The following CD74 variants were observed in gnomAD, a reference collection of about 807,000 sequenced individuals.
CD74 encodes the protein HLA class II histocompatibility antigen gamma chain.
A neutral mutation model predicts 37.1 loss-of-function variants in CD74; 20 were observed. The observed-to-expected ratio is 0.54, with a 90% CI of 0.38 to 0.78. The LOEUF is 0.78. CD74 is among the 30% of genes least tolerant of loss of function. The probability of loss-of-function intolerance (pLI) is 0.00; values close to 1 mark genes in which losing one functional copy is unlikely to be tolerated. For synonymous variants in CD74, 150 were observed against 152.0 expected (o/e 0.99, Z 0.10); for missense variants, 338 against 389.5 (o/e 0.87, Z 1.11).
At chr5:150,411,649 G>A (rs935679058) in intron 1 of CD74, among the ~76,000 whole-genome samples, 5 of 152,206 alleles carry the variant, frequency 3.3e-5, no homozygotes, top group Non-Finnish European at 5.9e-5. Context: ...GGTGTCCCCT[G>A]GATGGCTGTG....
rs2151177010 is a variant in CD74, at chr5:150,404,699, G to T, written c.606C>A (p.Pro202=). Residue 202 remains proline (P), a synonymous_variant, in exon 6 of 9, where the codon CCC becomes CCA. Transcript: ENST00000009530. Reference sequence around the variant, plus strand: ...CTGTACCTTTCGGTGGAGCGTCAGTGGGCTTTTGCTCCAAGGAGTGCCTGC... The same window carrying T: ...CTGTACCTTTCGGTGGAGCGTCAGTTGGCTTTTGCTCCAAGGAGTGCCTGC... ...EMSRHSLEQK[P]TDAPPKVLTK... is the part of the protein sequence containing the mutation. The T allele has an allele frequency of 6.3e-7, 1 of 1,582,028 alleles. No individual in the cohort carries two copies. Among genetic ancestry groups the T allele is most frequent in the Non-Finnish European group, 8.6e-7 (1 of 1,163,240 alleles).
chr5:150,404,999 C>T, intron 5 of CD74, 86 bp downstream of exon 5: 2 of 1,271,230 alleles, frequency 1.6e-6, no homozygotes, highest in Non-Finnish European at 2.3e-6. Context: ...GAATGGCTTC[C>T]CCAGCCCACC....
rs746074342 is a variant in CD74, at chr5:150,405,097, G to A, written c.525C>T (p.Thr175=). The A allele has an allele frequency of 1.4e-5, 23 of 1,612,310 alleles. No individual in the cohort carries two copies. Among genetic ancestry groups the A allele is most frequent in the Non-Finnish European group, 1.7e-6 (2 of 1,179,154 alleles). The change falls in exon 5 of 9, where the codon ACC becomes ACT. Residue 175 remains threonine, a synonymous_variant. Coordinates refer to ENST00000009530, the MANE Select transcript of CD74 (RefSeq NM_001025159.3). ...GAAACCTGCTGACCTTCCAGTCTAT[G>A]GTCTCCATGGTGTTCTTAAGGTGTC... ...NLRHLKNTME[T]IDWKVFESWM... is the part of the protein sequence containing the mutation.
chr5:150,403,762 G>A lies in CD74; in HGVS notation c.626-450C>T, dbSNP rs1769783137. ...TAATCCCAGCTACTCGGGAGGCCGA[G>A]GCAGGAGAATTGCTTGAACCCGGGA... On this transcript the variant is annotated intron_variant, in intron 6 of 8. Transcript: ENST00000009530. The surrounding 1 kb of genome is among the most constrained non-coding windows in gnomAD (Gnocchi z 4.5). Among the ~76,000 whole-genome samples, 1 of 152,222 alleles carries A rather than the reference G, an allele frequency of 6.6e-6. No homozygotes were observed. Among genetic ancestry groups the A allele is most frequent in the Non-Finnish European group, 1.5e-5 (1 of 68,042 alleles).
chr5:150,409,223 A>G, intron 1 of CD74, among the ~76,000 whole-genome samples: 1 of 140,756 alleles, frequency 7.1e-6, no homozygotes, highest in South Asian at 2.2e-4. Flanking sequence ...ACTGTCTCAG[A>G]AAAAAAAAAG....
In CD74 at chr5:150,403,453, G is replaced by A. The variant is rs113351606; in HGVS notation, c.626-141C>T. 2.4e-5 allele frequency: 18 copies of A among 744,104 alleles called. No homozygotes were observed. The highest frequency in any genetic ancestry group is 1.9e-4 in the African/African-American group (11 of 57,756). 46.1% of individuals were successfully genotyped at this position (744,104 alleles called of 1,614,324 possible). A position where few individuals can be genotyped will look rare whatever the true frequency, so the allele number is the denominator to read the frequency against. ...GCTTTACTCACTCCAGCCATCACAC[G>A]GATGGGAAAACTGAGGCCTAGACCA... On this transcript the variant is annotated intron_variant, in intron 6 of 8. Coordinates refer to ENST00000009530, the MANE Select transcript of CD74 (RefSeq NM_001025159.3). This position sits in a 1 kb window ranked among gnomAD's most constrained non-coding sequence, Gnocchi z 4.5.
intron 5 of CD74, 22 bp from the exon 6 acceptor site, chr5:150,404,789 GT>G (rs919787953): frequency 6.6e-7 from 1 of 1,508,740 alleles, no homozygotes; most frequent in African/African-American, 1.4e-5. Context: ...AGAGGTGGAG[GT>G]CAGGTTCGAT....
chr5:150,407,406 A>C lies in CD74; in HGVS notation c.126-82T>G. 1 of 1,162,372 alleles carries C rather than the reference A, an allele frequency of 8.6e-7. No homozygotes were observed. Among genetic ancestry groups the C allele is most frequent in the South Asian group, 1.4e-5 (1 of 69,190 alleles). The allele number at this position is 1,162,372 out of a possible 1,614,324, so 72.0% of individuals were successfully genotyped here. On this transcript the variant is annotated intron_variant, in intron 1 of 8. Transcript: ENST00000009530. This position sits in a 1 kb window ranked among gnomAD's most constrained non-coding sequence, Gnocchi z 4.4. ...GGGCTGGCTAGGAATGGGGAAATGTATACCCCCATCTCCATTAGACCCCTA... is the reference window on the plus strand; with the variant it reads ...GGGCTGGCTAGGAATGGGGAAATGTCTACCCCCATCTCCATTAGACCCCTA...
chr5:150,405,001 C>T, intron 5 of CD74, 84 bp downstream of exon 5: 1 of 1,290,488 alleles, frequency 7.7e-7, no homozygotes, highest in Non-Finnish European at 1.1e-6. Context: ...ATGGCTTCCC[C>T]AGCCCACCCT....
At chr5:150,404,883 G>A in intron 5 of CD74, 116 bp from the exon 6 acceptor site, 1 of 834,360 alleles carries the variant, frequency 1.2e-6, no homozygotes, top group Non-Finnish European at 2.0e-6. Context: ...CAACACCCGG[G>A]TCCAGCTGCA....
rs1388940151 is a variant in CD74 at position 150,403,884 on chromosome 5, C to T, written c.626-572G>A. On this transcript the variant is annotated intron_variant, in intron 6 of 8. Coordinates refer to ENST00000009530, the MANE Select transcript of CD74 (RefSeq NM_001025159.3). This position sits in a 1 kb window ranked among gnomAD's most constrained non-coding sequence, Gnocchi z 4.5. The stretch of plus-strand genomic sequence containing the variant: ...AAAAACAAACAATCAAACAAAAAAA[C>T]ACCATTACAGTTTGGAATTGCACTT... Among the ~76,000 whole-genome samples, 2 of 152,166 alleles carry T rather than the reference C, an allele frequency of 1.3e-5. No homozygotes were observed. Among genetic ancestry groups the T allele is most frequent in the African/African-American group, 4.8e-5 (2 of 41,438 alleles).
At position 150,402,270 on chromosome 5, in the gene CD74, G is replaced by T. The variant is rs1222668874; in HGVS notation, c.881-20C>A. ...TGGGGACTGGAGAGAGAAGCAGCAG[G>T]TTGAGGTTGGGGTCACCCATTTGTT... On this transcript the variant is annotated intron_variant, in intron 8 of 8. Coordinates refer to ENST00000009530, the MANE Select transcript of CD74 (RefSeq NM_001025159.3). The surrounding 1 kb of genome is among the most constrained non-coding windows in gnomAD (Gnocchi z 4.2). 1.3e-6 allele frequency: 2 copies of T among 1,569,210 alleles called. No homozygotes were observed. The highest frequency in any genetic ancestry group is 1.7e-6 in the Non-Finnish European group (2 of 1,146,772).
Position 150,407,177 on chromosome 5 carries a change from C to T in CD74, c.273G>A (p.Glu91=), listed in dbSNP as rs1770020416. 1.9e-6 allele frequency: 3 copies of T among 1,613,868 alleles called. No homozygotes were observed. Among genetic ancestry groups the T allele is most frequent in the Non-Finnish European group, 1.7e-6 (2 of 1,179,948 alleles). ...LTVTSQNLQL[E]NLRMKLPKPP... ...GCTTGGGAAGCTTCATGCGCAGGTT[C>T]TCCAGCTGCAGGTTCTGGGAGGTGA... Residue 91 remains glutamate (E), a synonymous_variant, in exon 2 of 9, where the codon GAG becomes GAA. Coordinates refer to ENST00000009530, the MANE Select transcript of CD74 (RefSeq NM_001025159.3). The surrounding 1 kb of genome is among the most constrained non-coding windows in gnomAD (Gnocchi z 4.4).
rs1254963599 is a variant in CD74 at position 150,406,889 on chromosome 5, G to A, written c.370C>T (p.Pro124Ser). 2.0e-6 allele frequency: 3 copies of A among 1,507,080 alleles called. No individual in the cohort carries two copies. The highest frequency in any genetic ancestry group is 2.3e-5 in the East Asian group (1 of 43,216). The allele number at this position is 1,507,080 out of a possible 1,614,324, so 93.4% of individuals were successfully genotyped here. A position where few individuals can be genotyped will look rare whatever the true frequency, so the allele number is the denominator to read the frequency against. The change falls in exon 3 of 9, where the codon CCC becomes TCC. Residue 124 changes from proline (P) to serine (S), a missense_variant. By Grantham distance (74) the Pro-to-Ser change is moderately conservative. Coordinates refer to ENST00000009530, the MANE Select transcript of CD74 (RefSeq NM_001025159.3). Reference sequence around the variant, plus strand: ...CCTGGGGCTGTCCTTACCCCCTGGGGCAGGGCTCCCATGGGCAGCGCCTGC... The same window carrying A: ...CCTGGGGCTGTCCTTACCCCCTGGGACAGGGCTCCCATGGGCAGCGCCTGC... ...LMQALPMGAL[P>S]QGPMQNATKY...
intron 4 of CD74, 130 bp from the exon 5 acceptor site, chr5:150,405,310 T>G: frequency 2.2e-6 from 3 of 1,387,666 alleles, no homozygotes. Context: ...GCCTAAACCC[T>G]GGACTTCAGC....
rs368019468 is a variant in CD74 at position 150,406,937 on chromosome 5, G to C, written c.322C>G (p.Arg108Gly). The C allele has an allele frequency of 9.6e-6, 15 of 1,557,238 alleles. No homozygotes were observed. Among genetic ancestry groups the C allele is most frequent in the Admixed American group, 8.8e-5 (4 of 45,220 alleles). The change falls in exon 3 of 9, where the codon CGC becomes GGC. Residue 108 changes from arginine (R) to glycine (G), a missense_variant. Transcript: ENST00000009530. The part of the protein sequence containing the change: ...PKPPKPVSKM[R>G]MATPLLMQAL... ...TGCATCAGCAGCGGGGTGGCCATGCGCATCTTGCTCACAGGCTTGGGAGCT... is the reference window on the plus strand; with the variant it reads ...TGCATCAGCAGCGGGGTGGCCATGCCCATCTTGCTCACAGGCTTGGGAGCT...
In CD74 at chr5:150,402,210, G is replaced by A. The variant is rs1581247224; in HGVS notation, c.*30C>T. 1.3e-6 allele frequency: 2 copies of A among 1,597,634 alleles called. No homozygotes were observed. Among genetic ancestry groups the A allele is most frequent in the East Asian group, 4.5e-5 (2 of 44,312 alleles). On this transcript the variant is annotated 3_prime_UTR_variant, in exon 9 of 9. Transcript: ENST00000009530. This position sits in a 1 kb window ranked among gnomAD's most constrained non-coding sequence, Gnocchi z 4.2. ...AGAAAGCTGTAGCTGTGTGGGGCTG[G>A]CAGGATGTTGAAGACCGCCTCTGCT...
chr5:150,403,148 T>C lies in CD74; in HGVS notation c.790A>G (p.Arg264Gly), dbSNP rs750473014. 6 of 1,613,884 alleles carry C rather than the reference T, an allele frequency of 3.7e-6. No individual in the cohort carries two copies. The highest frequency in any genetic ancestry group is 5.1e-6 in the Non-Finnish European group (6 of 1,179,884). Reference protein sequence around the residue: ...FPNGTEVPNTRSRGHHNCSES... With the variant: ...FPNGTEVPNTGSRGHHNCSES... Reference sequence around the variant, plus strand: ...CTGCAGTTATGGTGCCCGCGGCTTCTGGTGTTGGGGACCTCCGTGCCGTTG... The same window carrying C: ...CTGCAGTTATGGTGCCCGCGGCTTCCGGTGTTGGGGACCTCCGTGCCGTTG... Residue 264 changes from arginine to glycine, a missense_variant, in exon 7 of 9, where the codon AGA becomes GGA. Coordinates refer to ENST00000009530, the MANE Select transcript of CD74 (RefSeq NM_001025159.3). The surrounding 1 kb of genome is among the most constrained non-coding windows in gnomAD (Gnocchi z 4.5).
At position 150,410,587 on chromosome 5, in the gene CD74, C is replaced by T. The variant is rs149656752; in HGVS notation, c.125+2038G>A. On this transcript the variant is annotated intron_variant, in intron 1 of 8. Transcript: ENST00000009530. ...GCATCTGCTTTTCTTCCTCTTTATG[C>T]ATCTTGAACGCCTGTCCCCTGGTTC... Among the ~76,000 whole-genome samples, 12 of 151,880 alleles carry T rather than the reference C, an allele frequency of 7.9e-5. No homozygotes were observed. The East Asian group carries it at 2.3e-3, about 29-fold the overall frequency.
Sources: allele counts gnomAD v4.1 joint callset (sites outside exome capture counted in the v4.1 genomes callset), GRCh38; gene constraint gnomAD v4.1.1; non-coding constraint Gnocchi (gnomAD v3.1); transcripts MANE v1.5; gene names NCBI Gene and HGNC (gene_info 2026-07-23, HGNC 2026-07-21).